PDXDC1: variants seen among roughly 807,000 people sequenced by gnomAD.
The protein encoded by PDXDC1 is pyridoxal dependent decarboxylase domain containing 1.
Under a neutral mutation model 100.1 loss-of-function variants are expected in PDXDC1, and 42 were observed. That is an observed-to-expected ratio of 0.42 (90% CI 0.33 to 0.54). The LOEUF is 0.54. Ranked by LOEUF, PDXDC1 falls within the 20% of genes least tolerant of loss-of-function variation. PDXDC1 has a pLI of 0.10. For missense variants in PDXDC1, 636 were observed against 979.2 expected (o/e 0.65, Z 4.68); for synonymous variants, 260 against 371.7 (o/e 0.70, Z 3.46).
At chr16:15,071,451 A>T (rs1253810724) in intron 16 of PDXDC1, among the ~76,000 whole-genome samples, 1 of 152,194 alleles carries the variant, frequency 6.6e-6, no homozygotes, top group Non-Finnish European at 1.5e-5. Context: ...AATCCAGTGG[A>T]TCCCAAACCT....
At chr16:15,143,662 G>GGCCGGGGGA (rs1244461173), downstream of PDXDC1, among the ~76,000 whole-genome samples, 2 of 152,238 alleles carry the variant, frequency 1.3e-5, no homozygotes, top group Non-Finnish European at 2.9e-5. Flanking sequence ...GGCGCTCCTG[G>GGCCGGGGGA]GCCGGGGGAG....
chr16:15,013,623 T>G (rs970275044), intron 8 of PDXDC1, among the ~76,000 whole-genome samples: 1 of 152,286 alleles, frequency 6.6e-6, no homozygotes, highest in African/African-American at 2.4e-5. Context: ...ATGCCTGTAG[T>G]CCCAGCACTT....
Position 15,008,944 on chromosome 16 carries a change from A to G in PDXDC1, c.648+97A>G. ...TTTGCTGGCCTCCAGATAATTAGTAACTTACTCATGTATTGCTTGGATCCT... is the reference window on the plus strand; with the variant it reads ...TTTGCTGGCCTCCAGATAATTAGTAGCTTACTCATGTATTGCTTGGATCCT... On this transcript the variant is annotated intron_variant, in intron 7 of 22. Coordinates refer to ENST00000396410, the MANE Select transcript of PDXDC1 (RefSeq NM_015027.4). 4 of 1,166,650 alleles carry G rather than the reference A, an allele frequency of 3.4e-6. No individual in the cohort carries two copies. The South Asian group carries it at 5.2e-5, about 15-fold the overall frequency. The allele number at this position is 1,166,650 out of a possible 1,614,324, so 72.3% of individuals were successfully genotyped here.
chr16:15,027,508 T>C (rs2042702454), intron 14 of PDXDC1, among the ~76,000 whole-genome samples: 1 of 152,288 alleles, frequency 6.6e-6, no homozygotes, highest in Non-Finnish European at 1.5e-5. Flanking sequence ...CTTGTCTTGG[T>C]GTACCGGAAG....
intron 16 of PDXDC1, among the ~76,000 whole-genome samples, chr16:15,065,585 G>A (rs558301026): frequency 1.3e-5 from 2 of 152,206 alleles, no homozygotes; most frequent in African/African-American, 2.4e-5. Context: ...GAAAGAAAAC[G>A]TGGCTATCAC....
At chr16:15,075,482 G>C (rs752070698) in intron 16 of PDXDC1, among the ~76,000 whole-genome samples, 8 of 151,540 alleles carry the variant, frequency 5.3e-5, no homozygotes, top group Non-Finnish European at 1.2e-4. Context: ...GAGGTGGGCA[G>C]ATCACTTGGG....
At chr16:15,117,314 GT>G (rs2047265903) in intron 16 of PDXDC1, among the ~76,000 whole-genome samples, 1 of 105,466 alleles carries the variant, frequency 9.5e-6, no homozygotes, top group Non-Finnish European at 1.9e-5. Flanking sequence ...TTGAAAGGGG[GT>G]TGGTTTATGC....
At chr16:15,148,370 ATTTTTTTTTTTTTTTTTTTTTTT>A in the PDXDC1 span, among the ~76,000 whole-genome samples, 1 of 34,118 alleles carries the variant, frequency 2.9e-5, no homozygotes, top group African/African-American at 1.2e-4. Flanking sequence ...AGATCCTGTG[ATTTTTTTTTTTTTTTTTTTTTTT>A]TTTTTTTTGA....
chr16:15,028,909 C>G lies in PDXDC1; in HGVS notation c.1236C>G (p.Asn412Lys), dbSNP rs2042837183. 1.2e-6 allele frequency: 2 copies of G among 1,614,014 alleles called. No homozygotes were observed. Among genetic ancestry groups the G allele is most frequent in the Non-Finnish European group, 1.7e-6 (2 of 1,180,036 alleles). ...DPVFKAVPVPNMTPSGVGRER... is the reference protein window; with the variant it reads ...DPVFKAVPVPKMTPSGVGRER... ...TGTTTAAAGCCGTCCCAGTGCCCAA[C>G]ATGACACCTTCAGGAGTCGGCCGGG... The change falls in exon 15 of 23, where the codon AAC becomes AAG. Residue 412 changes from asparagine (N) to lysine (K), a missense_variant. Asn to Lys is a moderately conservative substitution (Grantham distance 94). Transcript: ENST00000396410.
At chr16:15,030,803 C>G (rs1283621993) in intron 16 of PDXDC1, among the ~76,000 whole-genome samples, 1 of 151,906 alleles carries the variant, frequency 6.6e-6, no homozygotes, top group Admixed American at 6.6e-5. Flanking sequence ...GGCTGGAATT[C>G]CTATATTTTG....
At chr16:15,055,996 C>G in intron 16 of PDXDC1, 1 of 1,186,674 alleles carries the variant, frequency 8.4e-7, no homozygotes, top group Non-Finnish European at 1.0e-6. Context: ...CCCAGGCAGG[C>G]CCAGGGAGGC....
chr16:15,057,051 A>ACATT (rs1380497735), intron 16 of PDXDC1, among the ~76,000 whole-genome samples: 1 of 152,186 alleles, frequency 6.6e-6, no homozygotes, highest in African/African-American at 2.4e-5. Flanking sequence ...ACTCTGCAGC[A>ACATT]CATTAACAAA....
At chr16:15,127,637 G>A in intron 16 of PDXDC1, 1 of 1,285,050 alleles carries the variant, frequency 7.8e-7, no homozygotes, top group South Asian at 1.3e-5. Flanking sequence ...AGGCTGAGGG[G>A]CAGGAAGGGC....
chr16:14,991,328 TTC>T (rs1970776088), intron 1 of PDXDC1, among the ~76,000 whole-genome samples: 1 of 131,536 alleles, frequency 7.6e-6, no homozygotes, highest in Non-Finnish European at 1.6e-5. Flanking sequence ...TCGAGACAGG[TTC>T]TCTGTTGACC....
At chr16:15,064,931 C>T (rs980612335) in intron 16 of PDXDC1, among the ~76,000 whole-genome samples, 10 of 152,312 alleles carry the variant, frequency 6.6e-5, no homozygotes, top group African/African-American at 2.4e-4. Context: ...CTTTGGGAGG[C>T]CGAGGCGGGC....
At chr16:15,022,518 T>G (rs1446930791) in intron 12 of PDXDC1, among the ~76,000 whole-genome samples, 186 bp from the exon 13 acceptor site, 5 of 152,294 alleles carry the variant, frequency 3.3e-5, no homozygotes, top group African/African-American at 1.2e-4. Flanking sequence ...TACATGTAAC[T>G]TGAAGGATTG....
downstream of PDXDC1, among the ~76,000 whole-genome samples, chr16:15,142,436 C>T (rs920260947): frequency 6.6e-6 from 1 of 152,092 alleles, no homozygotes; most frequent in African/African-American, 2.4e-5. Context: ...GGACCCCGCT[C>T]GGCCGAGCTC....
chr16:15,102,856 T>C (rs1177684895), intron 16 of PDXDC1, among the ~76,000 whole-genome samples: 1 of 149,838 alleles, frequency 6.7e-6, no homozygotes, highest in Non-Finnish European at 1.5e-5. Flanking sequence ...GCAGTATCAC[T>C]TGAGCCCGGA....
chr16:15,133,812 A>G lies in PDXDC1; in HGVS notation c.1400-5067A>G, dbSNP rs969302338. ...GTACTCACCCGTGCATTCGAAGTGCACCTTGGTGGTGAGGGCGTGCACAGC... is the reference window on the plus strand; with the variant it reads ...GTACTCACCCGTGCATTCGAAGTGCGCCTTGGTGGTGAGGGCGTGCACAGC... On this transcript the variant is annotated intron_variant, in intron 16 of 16. Transcript: ENST00000535621. 5.7e-6 allele frequency: 9 copies of G among 1,586,850 alleles called. No homozygotes were observed. In the African/African-American group the frequency reaches 1.2e-4, roughly 21 times the overall value.
Sources: gnomAD v4.1 joint callset for allele counts (sites outside exome capture counted in the v4.1 genomes callset) on GRCh38, gnomAD v4.1.1 for gene constraint, MANE v1.5 for transcripts, NCBI Gene and HGNC (gene_info 2026-07-23, HGNC 2026-07-21) for gene names.